Variants in RARB observed in about 807,000 individuals in gnomAD.
RARB encodes retinoic acid receptor beta.
RARB carries 17 observed loss-of-function variants against 51.9 expected under a neutral mutation model. The observed-to-expected ratio is 0.33, with a 90% confidence interval of 0.22 to 0.49. The LOEUF (loss-of-function observed/expected upper bound fraction) is 0.49, where lower values mean the gene tolerates loss of function less well. Among genes scored for constraint, RARB ranks in the 20% least tolerant of loss-of-function variants. RARB has a pLI of 0.99. For missense variants in RARB, 369 were observed against 550.8 expected (o/e 0.67, Z 3.30); for synonymous variants, 215 against 195.4 (o/e 1.10, Z -0.84).
chr3:24,976,081 C>T (rs1433332255), intron 2 of RARB, among the ~76,000 whole-genome samples: 2 of 152,270 alleles, frequency 1.3e-5, no homozygotes, highest in South Asian at 4.1e-4. Context: ...CATCCATGTC[C>T]CTGCAAAGGA....
intron 3 of RARB, among the ~76,000 whole-genome samples, chr3:25,525,999 A>T (rs746186407): frequency 3.0e-4 from 46 of 152,340 alleles, no homozygotes; most frequent in Non-Finnish European, 4.6e-4. Context: ...TTTCATTTAT[A>T]TGGAAGGTAG....
Position 25,428,568 on chromosome 3 carries a change from T to C in RARB, c.-164T>C. On this transcript the variant is annotated 5_prime_UTR_variant, in exon 1 of 8. Transcript: ENST00000330688. ...TTTGGATCAATTACAGGCTTTTAGC[T>C]GGCTTGTCTGTCATAATTCATGATT... 2 of 1,328,250 alleles carry C rather than the reference T, an allele frequency of 1.5e-6. No homozygotes were observed. Among genetic ancestry groups the C allele is most frequent in the Non-Finnish European group, 1.9e-6 (2 of 1,035,350 alleles). 82.3% of individuals were successfully genotyped at this position (1,328,250 alleles called of 1,614,324 possible). A position where few individuals can be genotyped will look rare whatever the true frequency, so the allele number is the denominator to read the frequency against.
chr3:24,885,576 C>G (rs1004692639), intron 2 of RARB, among the ~76,000 whole-genome samples: 1 of 152,100 alleles, frequency 6.6e-6, no homozygotes, highest in Non-Finnish European at 1.5e-5. Flanking sequence ...CTCTAAATCA[C>G]TAACGTCAAA....
chr3:25,400,474 T>C (rs1232129911), intron 5 of RARB, among the ~76,000 whole-genome samples: 5 of 152,118 alleles, frequency 3.3e-5, no homozygotes, highest in African/African-American at 1.2e-4. Context: ...ATAATAATAG[T>C]ATGAGGTTTC....
chr3:24,924,292 C>G (rs1467597855), intron 2 of RARB, among the ~76,000 whole-genome samples: 1 of 152,116 alleles, frequency 6.6e-6, no homozygotes, highest in African/African-American at 2.4e-5. Context: ...TATTCTTTAG[C>G]TCAGCTGAAG....
At chr3:25,572,965 G>A (rs1559473958) in intron 4 of RARB, among the ~76,000 whole-genome samples, 1 of 152,152 alleles carries the variant, frequency 6.6e-6, no homozygotes, top group Non-Finnish European at 1.5e-5. Flanking sequence ...GCGCCCTGGT[G>A]TGACCGGGAT....
intron 2 of RARB, among the ~76,000 whole-genome samples, chr3:24,987,708 C>T (rs1198383558): frequency 6.6e-6 from 1 of 152,188 alleles, no homozygotes; most frequent in African/African-American, 2.4e-5. Flanking sequence ...CCAAATTTGA[C>T]TCCACATACT....
intron 3 of RARB, among the ~76,000 whole-genome samples, chr3:25,106,718 C>T (rs1413040659): frequency 4.6e-5 from 7 of 151,750 alleles, no homozygotes; most frequent in Non-Finnish European, 7.4e-5. Context: ...CACTTTCCTA[C>T]TTTCTTAAGC....
chr3:25,415,630 G>C (rs1483827), intron 5 of RARB, among the ~76,000 whole-genome samples: 3 of 152,058 alleles, frequency 2.0e-5, no homozygotes, highest in African/African-American at 7.2e-5. Flanking sequence ...TGTGCCATAG[G>C]TTTCATTGTT....
intron 2 of RARB, among the ~76,000 whole-genome samples, chr3:25,007,943 A>G (rs1697311668): frequency 6.6e-6 from 1 of 152,094 alleles, no homozygotes; most frequent in South Asian, 2.1e-4. Flanking sequence ...CGTTGATACT[A>G]TGATGATCAT....
intron 5 of RARB, among the ~76,000 whole-genome samples, chr3:25,226,343 GCT>G (rs985480459): frequency 6.6e-6 from 1 of 152,100 alleles, no homozygotes; most frequent in African/African-American, 2.4e-5. Flanking sequence ...CAGTGAACTT[GCT>G]CTGACTTCAA....
rs146671427 is a variant in RARB at position 25,197,811 on chromosome 3, C to G, written c.178+23236C>G. Among the ~76,000 whole-genome samples, 795 of 151,990 alleles carry G rather than the reference C, an allele frequency of 5.2e-3. 4 individuals are homozygous for G. The highest frequency in any genetic ancestry group is 0.017 in the African/African-American group (718 of 41,506). On this transcript the variant is annotated intron_variant, in intron 5 of 11. Transcript: ENST00000383772. ...AAAAAATGGAAAGATATTCCATGTT[C>G]ATGGAATGTTTTAAAAAATCAATAC...
rs1183885944 is a variant in RARB at position 25,230,626 on chromosome 3, A to T, written c.178+56051A>T. Reference sequence around the variant, plus strand: ...TGTCAGGCATTCTTATAGGCATTATATACACATCACCTGGTTTAATCTTCC... The same window carrying T: ...TGTCAGGCATTCTTATAGGCATTATTTACACATCACCTGGTTTAATCTTCC... On this transcript the variant is annotated intron_variant, in intron 5 of 11. Coordinates refer to the RARB transcript ENST00000383772. 2.0e-5 allele frequency among the ~76,000 whole-genome samples: 3 copies of T among 152,146 alleles called. No homozygotes were observed. In the East Asian group the frequency reaches 5.8e-4, roughly 29 times the overall value.
chr3:25,402,775 T>C (rs1339687451), intron 5 of RARB, among the ~76,000 whole-genome samples: 2 of 151,802 alleles, frequency 1.3e-5, no homozygotes, highest in African/African-American at 4.8e-5. Context: ...CTCATGGCCA[T>C]AGAAAGTAGA....
chr3:25,378,257 A>G (rs1025993556), intron 5 of RARB, among the ~76,000 whole-genome samples: 1 of 152,208 alleles, frequency 6.6e-6, no homozygotes, highest in Non-Finnish European at 1.5e-5. Context: ...TAGGAAACAG[A>G]TGGAAGCCAC....
intron 5 of RARB, among the ~76,000 whole-genome samples, chr3:25,323,813 T>G (rs2125440869): frequency 6.6e-6 from 1 of 152,300 alleles, no homozygotes; most frequent in Middle Eastern, 3.4e-3. Flanking sequence ...TTAAACTAAA[T>G]TTATGACTTC....
At chr3:25,203,010 G>T (rs1701436706) in intron 5 of RARB, among the ~76,000 whole-genome samples, 2 of 152,138 alleles carry the variant, frequency 1.3e-5, no homozygotes, top group African/African-American at 4.8e-5. Context: ...CTGTCTCATT[G>T]ATCTGTCTAA....
chr3:25,060,897 C>A (rs146859866), intron 3 of RARB, among the ~76,000 whole-genome samples: 163 of 151,832 alleles, frequency 1.1e-3, no homozygotes, highest in Middle Eastern at 0.01. Context: ...AAGACTTTTT[C>A]TTTTGGGATG....
intron 5 of RARB, among the ~76,000 whole-genome samples, chr3:25,322,953 AT>A (rs2125440402): frequency 6.6e-6 from 1 of 152,310 alleles, no homozygotes; most frequent in South Asian, 2.1e-4. Flanking sequence ...TGGGTCAAAA[AT>A]TTAGGCAGCA....
Sources: gnomAD v4.1 joint callset for allele counts (sites outside exome capture counted in the v4.1 genomes callset) on GRCh38, gnomAD v4.1.1 for gene constraint, MANE v1.5 for transcripts, NCBI Gene and HGNC (gene_info 2026-07-23, HGNC 2026-07-21) for gene names.